The following STARD13 variants were observed in gnomAD, a reference collection of about 807,000 sequenced individuals.
STARD13 encodes stAR-related lipid transfer protein 13.
In STARD13, 62 loss-of-function variants were observed where a neutral mutation model predicts 106.4. The observed-to-expected ratio is 0.58, with a 90% confidence interval of 0.48 to 0.72. The LOEUF is 0.72. Among genes scored for constraint, STARD13 ranks in the 30% least tolerant of loss-of-function variants. The pLI is 0.00. For missense variants in STARD13, 1,387 were observed against 1,424.0 expected, an observed-to-expected ratio of 0.97 and a Z score of 0.42; for synonymous variants, 565 against 553.0, an observed-to-expected ratio of 1.02 and a Z score of -0.31.
chr13:33,208,269 T>A (rs905517052), intron 1 of STARD13, among the ~76,000 whole-genome samples: 1 of 151,458 alleles, frequency 6.6e-6, no homozygotes, highest in Non-Finnish European at 1.5e-5. Context: ...AGTGGGAGAA[T>A]CTAGAAAACA....
chr13:33,557,306 C>T, the STARD13 span, among the ~76,000 whole-genome samples: 1 of 152,056 alleles, frequency 6.6e-6, no homozygotes. Context: ...TCAGACTTCA[C>T]CCGGGCGATG....
chr13:33,538,498 G>A, the STARD13 span, among the ~76,000 whole-genome samples: 1 of 152,150 alleles, frequency 6.6e-6, no homozygotes, highest in Non-Finnish European at 1.5e-5. Flanking sequence ...ACCTAACAAA[G>A]TCTAAAAACC....
intron 1 of STARD13, among the ~76,000 whole-genome samples, chr13:33,220,213 CTGAA>C (rs1888279475): frequency 6.6e-6 from 1 of 151,998 alleles, no homozygotes; most frequent in African/African-American, 2.4e-5. Context: ...ATATAGCAAA[CTGAA>C]TGGCTAGAAA....
At chr13:33,340,643 A>T (rs967067657) in intron 1 of STARD13, among the ~76,000 whole-genome samples, 16 of 152,236 alleles carry the variant, frequency 1.1e-4, no homozygotes, top group Non-Finnish European at 1.5e-5. Context: ...ACTATAGATA[A>T]TGAAGCCTCT....
At chr13:33,412,579 A>C in the STARD13 span, among the ~76,000 whole-genome samples, 1 of 152,184 alleles carries the variant, frequency 6.6e-6, no homozygotes, top group African/African-American at 2.4e-5. Flanking sequence ...TCTATGAGGA[A>C]GATACTTCAA....
At chr13:33,629,415 C>A in the STARD13 span, among the ~76,000 whole-genome samples, 1 of 152,166 alleles carries the variant, frequency 6.6e-6, no homozygotes, top group Non-Finnish European at 1.5e-5. Flanking sequence ...GAAGTGAATA[C>A]AATGCTGCCA....
the STARD13 span, among the ~76,000 whole-genome samples, chr13:33,551,609 T>TTTTTTTG: frequency 9.9e-6 from 1 of 101,064 alleles, no homozygotes; most frequent in African/African-American, 3.9e-5. Context: ...TTTTTTTTTT[T>TTTTTTTG]TTTTTTTGAG....
chr13:33,308,359 G>T (rs1483387355), intron 1 of STARD13, among the ~76,000 whole-genome samples: 19 of 151,976 alleles, frequency 1.3e-4, no homozygotes, highest in Admixed American at 1.2e-3. Flanking sequence ...CAAGTATAGG[G>T]TTTATAGTAT....
intron 1 of STARD13, among the ~76,000 whole-genome samples, chr13:33,309,128 G>A (rs1170234829): frequency 6.6e-6 from 1 of 152,202 alleles, no homozygotes; most frequent in Non-Finnish European, 1.5e-5. Context: ...TACAAGGCAT[G>A]ACACTAAATT....
the STARD13 span, among the ~76,000 whole-genome samples, chr13:33,593,242 T>A: frequency 2.6e-5 from 4 of 152,174 alleles, no homozygotes; most frequent in African/African-American, 9.7e-5. Flanking sequence ...TGGAGTGCAG[T>A]GGCAGGATCT....
At chr13:33,582,090 TG>T in the STARD13 span, among the ~76,000 whole-genome samples, 1 of 151,842 alleles carries the variant, frequency 6.6e-6, no homozygotes, top group African/African-American at 2.4e-5. Flanking sequence ...GGCGTGGTGG[TG>T]GGTGCCTGTA....
At chr13:33,634,004 A>G in the STARD13 span, among the ~76,000 whole-genome samples, 5 of 152,228 alleles carry the variant, frequency 3.3e-5, no homozygotes, top group Admixed American at 3.3e-4. Flanking sequence ...CAGTCTAGAC[A>G]CTACTCTTTT....
the STARD13 span, among the ~76,000 whole-genome samples, chr13:33,440,270 C>CAA: frequency 9.4e-5 from 6 of 63,550 alleles, no homozygotes; most frequent in South Asian, 5.1e-4. Context: ...CAGAACGAGG[C>CAA]AAAAAAAAAA....
chr13:33,117,618 C>A (rs1478405584), intron 8 of STARD13: 2 of 979,378 alleles, frequency 2.0e-6, no homozygotes, highest in Non-Finnish European at 2.4e-6. Context: ...AATGAAGATA[C>A]TTTGTGCTAA....
At chr13:33,269,115 A>G (rs963236425) in intron 1 of STARD13, among the ~76,000 whole-genome samples, 1 of 152,188 alleles carries the variant, frequency 6.6e-6, no homozygotes, top group Non-Finnish European at 1.5e-5. Context: ...AAGTTAGGAT[A>G]CCCAGACTTT....
chr13:33,317,472 C>T (rs1367335627), intron 1 of STARD13, among the ~76,000 whole-genome samples: 1 of 152,174 alleles, frequency 6.6e-6, no homozygotes, highest in Non-Finnish European at 1.5e-5. Flanking sequence ...CTGACTACTG[C>T]AGCAGCCCTG....
the STARD13 span, among the ~76,000 whole-genome samples, chr13:33,581,108 T>C: frequency 6.6e-6 from 1 of 152,162 alleles, no homozygotes; most frequent in Admixed American, 6.6e-5. Flanking sequence ...AAATTAGCCT[T>C]TTTCTCATGC....
At chr13:33,496,806 T>A in the STARD13 span, among the ~76,000 whole-genome samples, 1 of 152,130 alleles carries the variant, frequency 6.6e-6, no homozygotes, top group African/African-American at 2.4e-5. Context: ...TGCCATTTTG[T>A]CTCAACATCA....
intron 4 of STARD13, among the ~76,000 whole-genome samples, chr13:33,141,796 T>A (rs1879863460): frequency 6.6e-6 from 1 of 151,964 alleles, no homozygotes; most frequent in South Asian, 2.1e-4. Flanking sequence ...AGCATTTGAG[T>A]CTAATAAGGG....
Sources: gnomAD v4.1 joint callset for allele counts (sites outside exome capture counted in the v4.1 genomes callset) on GRCh38, gnomAD v4.1.1 for gene constraint, MANE v1.5 for transcripts, NCBI Gene and HGNC (gene_info 2026-07-23, HGNC 2026-07-21) for gene names.